Variants in FARS2 observed in about 807,000 individuals in gnomAD.
The protein encoded by FARS2 is phenylalanine--tRNA ligase, mitochondrial.
In FARS2, 40 loss-of-function variants were observed where a neutral mutation model predicts 46.4. That is an observed-to-expected ratio of 0.86 (90% confidence interval 0.67 to 1.12). The LOEUF (loss-of-function observed/expected upper bound fraction) is 1.12. Ranked by LOEUF, FARS2 falls within the 50% of genes most tolerant of loss-of-function variation. FARS2 has a pLI of 0.00. For missense variants in FARS2, 513 were observed against 567.9 expected (o/e 0.90, Z 0.98); for synonymous variants, 234 against 214.9 (o/e 1.09, Z -0.78).
intron 3 of FARS2, among the ~76,000 whole-genome samples, chr6:5,404,970 T>A (rs1252452701): frequency 6.6e-6 from 1 of 151,932 alleles, no homozygotes; most frequent in Non-Finnish European, 1.5e-5. Context: ...GGCTAATTTT[T>A]ATATTTTTAG....
At chr6:5,709,615 G>A (rs954080228) in intron 6 of FARS2, among the ~76,000 whole-genome samples, 2 of 151,918 alleles carry the variant, frequency 1.3e-5, no homozygotes, top group Admixed American at 6.6e-5. Context: ...AAGATCGGAA[G>A]ACAATGACAT....
At chr6:5,436,025 C>T (rs925154905) in intron 4 of FARS2, among the ~76,000 whole-genome samples, 8 of 144,092 alleles carry the variant, frequency 5.6e-5, no homozygotes, top group Admixed American at 4.9e-4. Context: ...CAGCATTGCT[C>T]CTGCTTTTGA....
intron 6 of FARS2, among the ~76,000 whole-genome samples, chr6:5,654,865 A>G (rs1186351421): frequency 2.6e-5 from 4 of 152,046 alleles, no homozygotes; most frequent in African/African-American, 7.2e-5. Flanking sequence ...TTCTCAGCCT[A>G]CTCAATGTGA....
chr6:5,711,848 G>A (rs1977058), intron 6 of FARS2, among the ~76,000 whole-genome samples: 62,744 of 151,986 alleles, frequency 0.41, 15,482 homozygotes, highest in Non-Finnish European at 0.57. Flanking sequence ...TGAATAAAGC[G>A]TGGATGCTGG....
intron 1 of FARS2, among the ~76,000 whole-genome samples, chr6:5,274,403 C>T (rs1766183944): frequency 6.6e-6 from 1 of 152,146 alleles, no homozygotes; most frequent in Non-Finnish European, 1.5e-5. Context: ...AATGAGACAA[C>T]AGGAAGTTGT....
chr6:5,495,131 A>G (rs1478075417), intron 4 of FARS2, among the ~76,000 whole-genome samples: 1 of 152,202 alleles, frequency 6.6e-6, no homozygotes, highest in Non-Finnish European at 1.5e-5. Flanking sequence ...TTTAGATAAT[A>G]AAATCCTTTT....
At chr6:5,651,199 G>A (rs1777343436) in intron 6 of FARS2, among the ~76,000 whole-genome samples, 1 of 152,168 alleles carries the variant, frequency 6.6e-6, no homozygotes, top group African/African-American at 2.4e-5. Context: ...GTAGACCCAA[G>A]AAAGCTGAAA....
intron 6 of FARS2, among the ~76,000 whole-genome samples, chr6:5,719,442 G>GAAAGAGAGAAAGAA (rs1554129042): frequency 6.9e-6 from 1 of 144,672 alleles, no homozygotes; most frequent in East Asian, 2.0e-4. Flanking sequence ...AGGAAAGAAA[G>GAAAGAGAGAAAGAA]AGAGAAAGAG....
chr6:5,753,154 G>A (rs1203808377), intron 6 of FARS2, among the ~76,000 whole-genome samples: 9 of 150,472 alleles, frequency 6.0e-5, no homozygotes, highest in African/African-American at 2.2e-4. Context: ...GGTGGAGAGA[G>A]GGTGAGGGAG....
intron 3 of FARS2, among the ~76,000 whole-genome samples, chr6:5,418,773 C>G (rs549799764): frequency 4.2e-4 from 64 of 152,314 alleles, no homozygotes; most frequent in Non-Finnish European, 7.1e-4. Context: ...GACTTTTGGG[C>G]TCTCCCATGT....
intron 1 of FARS2, among the ~76,000 whole-genome samples, chr6:5,360,395 C>G (rs954549368): frequency 2.0e-5 from 3 of 152,154 alleles, no homozygotes; most frequent in African/African-American, 7.2e-5. Flanking sequence ...CCCTCAAAGT[C>G]TTATTTTCTA....
intron 1 of FARS2, among the ~76,000 whole-genome samples, chr6:5,340,691 C>T (rs181791947): frequency 4.6e-5 from 7 of 152,172 alleles, no homozygotes; most frequent in Admixed American, 2.6e-4. Context: ...TTAAGGTTTC[C>T]GCTTCTTTCA....
At chr6:5,313,655 G>C (rs929537371) in intron 1 of FARS2, among the ~76,000 whole-genome samples, 4 of 152,098 alleles carry the variant, frequency 2.6e-5, no homozygotes, top group Non-Finnish European at 4.4e-5. Context: ...TTTGGAGGGA[G>C]GGAACAGCCT....
intron 4 of FARS2, among the ~76,000 whole-genome samples, chr6:5,477,662 A>G (rs1766202354): frequency 1.3e-5 from 2 of 152,172 alleles, no homozygotes; most frequent in Admixed American, 1.3e-4. Context: ...TTGTAAATTA[A>G]TTAATTTTGT....
At chr6:5,256,291 A>T (rs1401681936), upstream of FARS2, among the ~76,000 whole-genome samples, 1 of 151,788 alleles carries the variant, frequency 6.6e-6, no homozygotes, top group Non-Finnish European at 1.5e-5. Flanking sequence ...GGAGTTCAAG[A>T]TCAGCCTGGC....
chr6:5,383,741 C>G (rs1005723735), intron 2 of FARS2, among the ~76,000 whole-genome samples: 2 of 150,434 alleles, frequency 1.3e-5, no homozygotes, highest in Non-Finnish European at 2.9e-5. Context: ...TGTGGGTTGT[C>G]CTTTTTAGTT....
Position 5,552,605 on chromosome 6 carries a change from CTT to C in FARS2, c.1065+7268_1065+7269del, listed in dbSNP as rs767599183. Among the ~76,000 whole-genome samples the C allele has an allele frequency of 7.2e-4, 109 of 152,336 alleles. 1 individual carries two copies. Among genetic ancestry groups the C allele is most frequent in the Non-Finnish European group, 1.0e-3 (69 of 68,028 alleles). On this transcript the variant is annotated intron_variant, in intron 5 of 6. Transcript: ENST00000274680. ...ACCCTGAGTCCTCACCTGTGTGACTCTTTTCCTGCATACCTTGAAACCCATTG... is the reference window on the plus strand; with the variant it reads ...ACCCTGAGTCCTCACCTGTGTGACTCTTCCTGCATACCTTGAAACCCATTG...
intron 5 of FARS2, among the ~76,000 whole-genome samples, chr6:5,551,077 A>G (rs1168562293): frequency 6.6e-6 from 1 of 152,226 alleles, no homozygotes; most frequent in Non-Finnish European, 1.5e-5. Flanking sequence ...TCCTCTTTGC[A>G]TAGCAGTTCT....
At chr6:5,597,113 A>C (rs1460016237) in intron 5 of FARS2, among the ~76,000 whole-genome samples, 1 of 152,212 alleles carries the variant, frequency 6.6e-6, no homozygotes, top group Non-Finnish European at 1.5e-5. Context: ...CCTGGACGGA[A>C]AGCAGCTGCT....
Sources: allele counts gnomAD v4.1 joint callset (sites outside exome capture counted in the v4.1 genomes callset), GRCh38; gene constraint gnomAD v4.1.1; transcripts MANE v1.5; gene names NCBI Gene and HGNC (gene_info 2026-07-23, HGNC 2026-07-21).